Variants in NETO1 observed in about 807,000 individuals in gnomAD.
NETO1 encodes the protein neuropilin and tolloid like 1.
In NETO1, 26 loss-of-function variants were observed where a neutral mutation model predicts 61.3. The ratio of observed to expected loss-of-function variants is 0.42; its 90% CI spans 0.31 to 0.59. NETO1 has a LOEUF of 0.59. NETO1 is among the 20% of genes least tolerant of loss of function. The probability of loss-of-function intolerance (pLI) is 0.12; values close to 1 mark genes in which losing one functional copy is unlikely to be tolerated. For synonymous variants in NETO1, 225 were observed against 225.8 expected (o/e 1.00, Z 0.03); for missense variants, 531 against 662.8 (o/e 0.80, Z 2.18).
intron 4 of NETO1, among the ~76,000 whole-genome samples, chr18:72,798,059 T>C (rs2072378643): frequency 6.6e-6 from 1 of 152,236 alleles, no homozygotes. Flanking sequence ...TTTTTTACCG[T>C]CTACTTCCAC....
At position 72,812,456 on chromosome 18, in the gene NETO1, A is replaced by AT. The variant is rs200673564; in HGVS notation, c.470-18053dup. 7.0e-3 allele frequency among the ~76,000 whole-genome samples: 1,060 copies of AT among 152,316 alleles called. 4 individuals carry two copies. The highest frequency in any genetic ancestry group is 0.013 in the South Asian group (62 of 4,824). On this transcript the variant is annotated intron_variant, in intron 4 of 10. Transcript: ENST00000327305. ...TGATTTTCGCCAACGTCATCATTGA[A>AT]TTTTAAGTGATCCAGGCTTTAGACT...
chr18:72,812,399 TAC>T (rs140565352), intron 4 of NETO1, among the ~76,000 whole-genome samples: 1,928 of 152,312 alleles, frequency 0.013, 41 homozygotes, highest in African/African-American at 0.044. Context: ...GTCCAAAATT[TAC>T]ACAGTTATCT....
intron 4 of NETO1, among the ~76,000 whole-genome samples, chr18:72,803,009 T>G (rs1004449179): frequency 6.6e-6 from 1 of 152,220 alleles, no homozygotes; most frequent in Non-Finnish European, 1.5e-5. Context: ...TTACTCATTT[T>G]TCTCATGGAG....
At chr18:72,866,032 A>G (rs1413976480) in intron 1 of NETO1, among the ~76,000 whole-genome samples, 1 of 152,256 alleles carries the variant, frequency 6.6e-6, no homozygotes, top group African/African-American at 2.4e-5. Flanking sequence ...CAATGCCATT[A>G]TAATCTAAAC....
intron 7 of NETO1, among the ~76,000 whole-genome samples, chr18:72,759,563 G>C (rs972863849): frequency 6.6e-6 from 1 of 152,150 alleles, no homozygotes; most frequent in Non-Finnish European, 1.5e-5. Flanking sequence ...ATTCCAGAGA[G>C]CAGAAGACTC....
chr18:72,802,644 T>C (rs1368854376), intron 4 of NETO1, among the ~76,000 whole-genome samples: 3 of 152,194 alleles, frequency 2.0e-5, no homozygotes, highest in Admixed American at 2.0e-4. Context: ...CTACGGTTTA[T>C]ACTGGGACAT....
Position 72,865,174 on chromosome 18 carries a change from C to G in NETO1, c.82+14G>C, listed in dbSNP as rs2074697714. On this transcript the variant is annotated intron_variant, in intron 2 of 10. Transcript: ENST00000327305. Reference sequence around the variant, plus strand: ...TTCGAGGTCTTCCACTAGCATTTTTCTAAGTAAACACACCTGTTCCTTTCT... The same window carrying G: ...TTCGAGGTCTTCCACTAGCATTTTTGTAAGTAAACACACCTGTTCCTTTCT... The G allele has an allele frequency of 6.2e-7, 1 of 1,609,666 alleles. No individual in the cohort carries two copies. The highest frequency in any genetic ancestry group is 2.2e-5 in the East Asian group (1 of 44,796).
At chr18:72,802,638 G>A (rs373401015) in intron 4 of NETO1, among the ~76,000 whole-genome samples, 20 of 152,258 alleles carry the variant, frequency 1.3e-4, no homozygotes, top group East Asian at 7.7e-4. Flanking sequence ...CCAATCCTAC[G>A]GTTTATACTG....
intron 4 of NETO1, among the ~76,000 whole-genome samples, chr18:72,839,620 A>C (rs1568246506): frequency 6.6e-6 from 1 of 151,818 alleles, no homozygotes; most frequent in African/African-American, 2.4e-5. Flanking sequence ...TTTCAATAAA[A>C]CTCATTTGCC....
chr18:72,808,004 C>G (rs553844316), intron 4 of NETO1, among the ~76,000 whole-genome samples: 1 of 125,412 alleles, frequency 8.0e-6, no homozygotes, highest in African/African-American at 2.7e-5. Context: ...TTCACTAGAA[C>G]TGGTTTAATA....
At chr18:72,846,301 A>T (rs989111250) in intron 4 of NETO1, among the ~76,000 whole-genome samples, 1 of 151,550 alleles carries the variant, frequency 6.6e-6, no homozygotes, top group African/African-American at 2.4e-5. Context: ...TCAGGAGTTC[A>T]AGACCAGCCT....
intron 4 of NETO1, among the ~76,000 whole-genome samples, chr18:72,820,156 C>A (rs957671528): frequency 1.3e-5 from 2 of 152,152 alleles, no homozygotes; most frequent in Admixed American, 1.3e-4. Context: ...GGTCTTTTGA[C>A]ACATGGAGAG....
At chr18:72,845,187 A>C (rs771323047) in intron 4 of NETO1, among the ~76,000 whole-genome samples, 1 of 152,208 alleles carries the variant, frequency 6.6e-6, no homozygotes, top group Non-Finnish European at 1.5e-5. Flanking sequence ...ATGTGATCTC[A>C]TGTGACCACC....
intron 4 of NETO1, among the ~76,000 whole-genome samples, chr18:72,840,231 A>G (rs1378507552): frequency 6.6e-6 from 1 of 152,214 alleles, no homozygotes; most frequent in African/African-American, 2.4e-5. Flanking sequence ...TGTCTGCATG[A>G]TTGAGACACC....
rs1224300071 is a variant in NETO1, at chr18:72,745,364, G to A, written c.*2815C>T. Reference sequence around the variant, plus strand: ...ATATGGGGATTCATTGGCATTGCATGTGATTATATGCTACCATTATTTTGA... The same window carrying A: ...ATATGGGGATTCATTGGCATTGCATATGATTATATGCTACCATTATTTTGA... On this transcript the variant is annotated 3_prime_UTR_variant, in exon 11 of 11. Transcript: ENST00000327305. 1.3e-5 allele frequency: 2 copies of A among 152,154 alleles called. No homozygotes were observed. Among genetic ancestry groups the A allele is most frequent in the Non-Finnish European group, 2.9e-5 (2 of 68,028 alleles). 9.4% of individuals were successfully genotyped at this position (152,154 alleles called of 1,614,324 possible). A position where few individuals can be genotyped will look rare whatever the true frequency, so the allele number is the denominator to read the frequency against.
chr18:72,853,640 C>A (rs1190130160), intron 4 of NETO1, among the ~76,000 whole-genome samples: 3 of 151,882 alleles, frequency 2.0e-5, no homozygotes, highest in Non-Finnish European at 4.4e-5. Flanking sequence ...TGCCTGGAAT[C>A]CCAGCTACTC....
At chr18:72,821,391 A>G (rs75319397) in intron 4 of NETO1, among the ~76,000 whole-genome samples, 10,038 of 146,338 alleles carry the variant, frequency 0.069, 385 homozygotes, top group Middle Eastern at 0.12. Flanking sequence ...AAAACAAACA[A>G]ACAAAAAAGA....
intron 3 of NETO1, among the ~76,000 whole-genome samples, chr18:72,863,942 G>A (rs147855783): frequency 0.013 from 1,975 of 152,190 alleles, 18 homozygotes; most frequent in Middle Eastern, 0.027. Context: ...GGTGTTGGCC[G>A]GGAGCCATGG....
chr18:72,825,790 G>C (rs1568231448), intron 4 of NETO1, among the ~76,000 whole-genome samples: 1 of 152,054 alleles, frequency 6.6e-6, no homozygotes, highest in East Asian at 1.9e-4. Context: ...GTAACCATGC[G>C]ATCTTTAAAA....
Sources: gnomAD v4.1 joint callset for allele counts (sites outside exome capture counted in the v4.1 genomes callset) on GRCh38, gnomAD v4.1.1 for gene constraint, MANE v1.5 for transcripts, NCBI Gene and HGNC (gene_info 2026-07-23, HGNC 2026-07-21) for gene names.